Variants in ANK2 observed in about 807,000 individuals in gnomAD.
The protein encoded by ANK2 is ankyrin-2.
Under a neutral mutation model 360.5 loss-of-function variants are expected in ANK2, and 83 were observed. The ratio of observed to expected loss-of-function variants is 0.23; its 90% CI spans 0.19 to 0.28. ANK2 has a LOEUF of 0.28. Ranked by LOEUF, ANK2 falls within the 10% of genes least tolerant of loss-of-function variation. The pLI is 1.00. For missense variants in ANK2, 4,201 were observed against 4,795.7 expected (o/e 0.88, Z 3.66); for synonymous variants, 1,740 against 1,759.5 (o/e 0.99, Z 0.28).
chr4:113,359,636 G>A (rs1401247690), intron 38 of ANK2, among the ~76,000 whole-genome samples: 1 of 152,138 alleles, frequency 6.6e-6, no homozygotes, highest in Non-Finnish European at 1.5e-5. Context: ...CTCAAATTAA[G>A]CACTTTTGCA....
Position 113,353,564 on chromosome 4 carries a change from C to A in ANK2, c.4946C>A (p.Pro1649His). The A allele has an allele frequency of 1.9e-6, 3 of 1,614,020 alleles. No individual in the cohort carries two copies. Among genetic ancestry groups the A allele is most frequent in the Non-Finnish European group, 2.5e-6 (3 of 1,179,958 alleles). ...YLTDDLNTCV[P>H]LPKEQLQTVQ... ...ACTGATGATCTGAATACCTGTGTGC[C>A]TCTTCCCAAAGAGCAGCTGCAGACA... is the stretch of plus-strand genomic sequence containing the variant. The change falls in exon 38 of 46, where the codon CCT (proline) becomes CAT (histidine). Residue 1649 changes from proline to histidine, a missense_variant. Transcript: ENST00000357077.
intron 2 of ANK2, among the ~76,000 whole-genome samples, chr4:112,910,643 C>T (rs964728158): frequency 1.6e-4 from 25 of 152,252 alleles, no homozygotes; most frequent in African/African-American, 5.5e-4. Flanking sequence ...GGGAATTGTC[C>T]AGCAAAATGG....
chr4:112,739,294 G>A, the ANK2 span, among the ~76,000 whole-genome samples: 5 of 152,138 alleles, frequency 3.3e-5, no homozygotes, highest in South Asian at 6.2e-4. Context: ...ACGCCACTGC[G>A]CCCGGCTGGA....
At chr4:113,107,699 T>C (rs755902803) in intron 1 of ANK2, among the ~76,000 whole-genome samples, 6 of 152,200 alleles carry the variant, frequency 3.9e-5, no homozygotes, top group Non-Finnish European at 8.8e-5. Context: ...TATGCTTTTA[T>C]ATTCATGTTT....
intron 45 of ANK2, among the ~76,000 whole-genome samples, chr4:113,377,128 G>A (rs11940871): frequency 0.011 from 1,598 of 152,044 alleles, 26 homozygotes; most frequent in African/African-American, 0.036. Context: ...ACTGATTTAT[G>A]TATTTACTAT....
chr4:112,799,360 T>C, the ANK2 span, among the ~76,000 whole-genome samples: 1 of 152,178 alleles, frequency 6.6e-6, no homozygotes, highest in Non-Finnish European at 1.5e-5. Flanking sequence ...CTGGATCATA[T>C]TGTAATTCCA....
At chr4:112,943,356 CA>C (rs1007085743) in intron 2 of ANK2, among the ~76,000 whole-genome samples, 2 of 151,924 alleles carry the variant, frequency 1.3e-5, no homozygotes, top group African/African-American at 4.8e-5. Context: ...TGCCTCTCTC[CA>C]TCCCTTCTTT....
At chr4:112,898,064 A>G (rs1282821951) in intron 1 of ANK2, among the ~76,000 whole-genome samples, 1 of 152,114 alleles carries the variant, frequency 6.6e-6, no homozygotes, top group Non-Finnish European at 1.5e-5. Context: ...AATAGACTTT[A>G]TTTTTTAGAA....
chr4:113,290,162 G>GTTTTT (rs201484217), intron 20 of ANK2, among the ~76,000 whole-genome samples: 3 of 144,450 alleles, frequency 2.1e-5, no homozygotes, highest in African/African-American at 2.5e-5. Context: ...TATCATTTCA[G>GTTTTT]TTTTTTTTGT....
At chr4:113,198,822 A>G (rs1223473394) in intron 3 of ANK2, among the ~76,000 whole-genome samples, 189 bp from the exon 4 acceptor site, 1 of 152,164 alleles carries the variant, frequency 6.6e-6, no homozygotes, top group Non-Finnish European at 1.5e-5. Flanking sequence ...AAAGGAAGAC[A>G]CTATATGAGG....
the ANK2 span, among the ~76,000 whole-genome samples, chr4:112,771,103 C>A: frequency 1.3e-5 from 2 of 152,180 alleles, no homozygotes; most frequent in South Asian, 4.2e-4. Flanking sequence ...AAAGCATACA[C>A]GTTTATTTAT....
At chr4:113,021,745 G>A (rs965851990) in intron 2 of ANK2, among the ~76,000 whole-genome samples, 9 of 151,502 alleles carry the variant, frequency 5.9e-5, no homozygotes, top group Non-Finnish European at 1.2e-4. Flanking sequence ...TAGTTAATTC[G>A]TGTTACATAT....
chr4:112,911,939 A>G (rs2087632023), intron 2 of ANK2, among the ~76,000 whole-genome samples: 1 of 152,142 alleles, frequency 6.6e-6, no homozygotes, highest in Non-Finnish European at 1.5e-5. Flanking sequence ...GCACTTTGGG[A>G]GGCTGAGGCA....
At chr4:113,064,424 G>A (rs2074800165) in intron 1 of ANK2, among the ~76,000 whole-genome samples, 1 of 152,128 alleles carries the variant, frequency 6.6e-6, no homozygotes, top group Non-Finnish European at 1.5e-5. Context: ...ATAACAGCAG[G>A]TGGTGCCAGT....
chr4:112,978,211 T>G (rs560832883), intron 2 of ANK2, among the ~76,000 whole-genome samples: 1 of 151,944 alleles, frequency 6.6e-6, no homozygotes, highest in Admixed American at 6.6e-5. Context: ...GCCATTGCAC[T>G]GCAGCCTGGG....
intron 14 of ANK2, among the ~76,000 whole-genome samples, chr4:113,266,869 C>G (rs530295587): frequency 6.6e-6 from 1 of 151,742 alleles, no homozygotes; most frequent in South Asian, 2.1e-4. Context: ...AAGAGTGAAA[C>G]TCTGTCTCAA....
intron 13 of ANK2, among the ~76,000 whole-genome samples, chr4:113,260,058 G>A (rs2051892617): frequency 6.6e-6 from 1 of 152,058 alleles, no homozygotes. Context: ...ATGATAACAT[G>A]TACAAGAATA....
At chr4:112,723,373 G>C in the ANK2 span, among the ~76,000 whole-genome samples, 1 of 152,056 alleles carries the variant, frequency 6.6e-6, no homozygotes. Context: ...TGTGGGGGAA[G>C]CAGGGTGGGC....
chr4:113,245,637 A>G (rs2042435874), intron 9 of ANK2, among the ~76,000 whole-genome samples: 1 of 152,166 alleles, frequency 6.6e-6, no homozygotes, highest in Non-Finnish European at 1.5e-5. Context: ...CCCGTTATTC[A>G]ATTACCTCCC....
Sources: allele counts gnomAD v4.1 joint callset (sites outside exome capture counted in the v4.1 genomes callset), GRCh38; gene constraint gnomAD v4.1.1; transcripts MANE v1.5; gene names NCBI Gene and HGNC (gene_info 2026-07-23, HGNC 2026-07-21).